Variants in CNIH3 observed in about 807,000 individuals in gnomAD.
CNIH3 encodes the protein protein cornichon homolog 3.
A neutral mutation model predicts 24.1 loss-of-function variants in CNIH3; 14 were observed. That is an observed-to-expected ratio of 0.58 (90% CI 0.38 to 0.91). The LOEUF is 0.91. Among genes scored for constraint, CNIH3 ranks in the 40% least tolerant of loss-of-function variants. CNIH3 has a pLI of 0.00. For missense variants in CNIH3, 178 were observed against 196.8 expected (o/e 0.90, Z 0.57); for synonymous variants, 68 against 73.8 (o/e 0.92, Z 0.40).
intron 1 of CNIH3, among the ~76,000 whole-genome samples, chr1:224,463,772 CATT>C (rs1190462439): frequency 2.6e-5 from 2 of 76,030 alleles, no homozygotes; most frequent in Non-Finnish European, 2.3e-5. Flanking sequence ...GAATTGTCCT[CATT>C]TTTTTTTTTT....
At chr1:224,568,115 C>T (rs901834633) in intron 4 of CNIH3, among the ~76,000 whole-genome samples, 1 of 152,078 alleles carries the variant, frequency 6.6e-6, no homozygotes, top group Admixed American at 6.5e-5. Context: ...CATGGTAAAA[C>T]CCCGTCTTTA....
intron 3 of CNIH3, among the ~76,000 whole-genome samples, chr1:224,715,688 C>T (rs917102205): frequency 1.3e-5 from 2 of 152,074 alleles, no homozygotes; most frequent in South Asian, 2.1e-4. Flanking sequence ...GATCACACGG[C>T]GGGAGAGGAA....
intron 1 of CNIH3, among the ~76,000 whole-genome samples, chr1:224,621,136 T>C (rs1683258660): frequency 6.6e-6 from 1 of 152,240 alleles, no homozygotes; most frequent in African/African-American, 2.4e-5. Context: ...TAATTCCCAA[T>C]AAAATTCCCT....
At chr1:224,451,901 C>A (rs1675412840) in intron 1 of CNIH3, among the ~76,000 whole-genome samples, 1 of 152,078 alleles carries the variant, frequency 6.6e-6, no homozygotes, top group South Asian at 2.1e-4. Flanking sequence ...CTTCTGGTTT[C>A]TCTTCAAAGA....
At chr1:224,722,854 T>C (rs1688797547) in intron 3 of CNIH3, among the ~76,000 whole-genome samples, 1 of 152,120 alleles carries the variant, frequency 6.6e-6, no homozygotes, top group South Asian at 2.1e-4. Context: ...TTGGTTTCCT[T>C]CTCCTCCAGA....
rs148364085 is a variant in CNIH3, at chr1:224,654,458, TG to T, written c.82-26499del. On this transcript the variant is annotated intron_variant, in intron 1 of 5. Transcript: ENST00000272133. ...GCCTCCTTGCTGTAGAGTTGGGTTT[TG>T]TTTGTTTAATAAAGAAGATATTCTA... is the stretch of plus-strand genomic sequence containing the variant. 6.2e-3 allele frequency among the ~76,000 whole-genome samples: 950 copies of T among 152,348 alleles called. 10 individuals carry two copies. The highest frequency in any genetic ancestry group is 0.022 in the African/African-American group (894 of 41,578).
chr1:224,484,266 T>C (rs1676939430), intron 1 of CNIH3, among the ~76,000 whole-genome samples: 3 of 150,974 alleles, frequency 2.0e-5, no homozygotes, highest in African/African-American at 4.9e-5. Context: ...CTGTCTATAC[T>C]AAAAATACAA....
intron 3 of CNIH3, among the ~76,000 whole-genome samples, chr1:224,729,920 C>G (rs1256836527): frequency 6.6e-6 from 1 of 152,210 alleles, no homozygotes; most frequent in African/African-American, 2.4e-5. Context: ...GTTCCTCTTG[C>G]TCCATCCACC....
At chr1:224,477,891 T>A (rs1236762783) in intron 1 of CNIH3, among the ~76,000 whole-genome samples, 1 of 152,178 alleles carries the variant, frequency 6.6e-6, no homozygotes, top group Non-Finnish European at 1.5e-5. Flanking sequence ...TCTGGGAAAG[T>A]CTTTATTTCT....
chr1:224,501,387 A>G (rs1432010464), intron 1 of CNIH3, among the ~76,000 whole-genome samples: 1 of 152,056 alleles, frequency 6.6e-6, no homozygotes, highest in Non-Finnish European at 1.5e-5. Context: ...CAACAGCACC[A>G]TGAGGCAGAT....
At chr1:224,535,014 C>A (rs914722090) in intron 2 of CNIH3, among the ~76,000 whole-genome samples, 1 of 152,202 alleles carries the variant, frequency 6.6e-6, no homozygotes, top group African/African-American at 2.4e-5. Flanking sequence ...ATTTCCACAT[C>A]TGTCTGTTCT....
chr1:224,697,114 G>A (rs1687217550), intron 3 of CNIH3, among the ~76,000 whole-genome samples: 2 of 152,218 alleles, frequency 1.3e-5, no homozygotes. Flanking sequence ...TCCCACTGCT[G>A]AGCATGGGAT....
At chr1:224,672,067 G>T (rs1685892407) in intron 1 of CNIH3, among the ~76,000 whole-genome samples, 1 of 152,186 alleles carries the variant, frequency 6.6e-6, no homozygotes, top group Non-Finnish European at 1.5e-5. Context: ...GGAGCTCTTT[G>T]TGCTTTAACA....
At chr1:224,548,063 C>T (rs1403104772) in intron 3 of CNIH3, among the ~76,000 whole-genome samples, 2 of 151,896 alleles carry the variant, frequency 1.3e-5, no homozygotes, top group Non-Finnish European at 2.9e-5. Context: ...GGAGATACTT[C>T]TCCTAATATC....
chr1:224,616,307 T>C, upstream of CNIH3: 1 of 261,418 alleles, frequency 3.8e-6, no homozygotes, highest in Non-Finnish European at 6.5e-6. Flanking sequence ...GTCGCACCGC[T>C]ACAGTTCTCG....
chr1:224,617,288 C>G, intron 1 of CNIH3, 33 bp downstream of exon 1: 2 of 1,600,906 alleles, frequency 1.2e-6, no homozygotes, highest in Non-Finnish European at 1.7e-6. Context: ...TCTTCTTTCG[C>G]CCCAATTTCG....
At chr1:224,706,443 C>T (rs1687816698) in intron 3 of CNIH3, among the ~76,000 whole-genome samples, 1 of 152,170 alleles carries the variant, frequency 6.6e-6, no homozygotes, top group Non-Finnish European at 1.5e-5. Flanking sequence ...CACATGTACC[C>T]TCTCCCTGTG....
upstream of CNIH3, among the ~76,000 whole-genome samples, chr1:224,514,645 G>T (rs1678304576): frequency 1.3e-5 from 2 of 152,226 alleles, no homozygotes; most frequent in African/African-American, 4.8e-5. Flanking sequence ...AGCCTGAGCA[G>T]TATAGCAAAA....
chr1:224,607,343 G>A (rs1682474284), intron 3 of CNIH3, among the ~76,000 whole-genome samples: 1 of 152,168 alleles, frequency 6.6e-6, no homozygotes, highest in South Asian at 2.1e-4. Context: ...CTTTCCCAGA[G>A]GGTCTGGGAG....
Sources: gnomAD v4.1 joint callset for allele counts (sites outside exome capture counted in the v4.1 genomes callset) on GRCh38, gnomAD v4.1.1 for gene constraint, MANE v1.5 for transcripts, NCBI Gene and HGNC (gene_info 2026-07-23, HGNC 2026-07-21) for gene names.